The following EYS variants were observed in gnomAD, a reference collection of about 807,000 sequenced individuals.
EYS encodes the protein protein eyes shut homolog.
Under a neutral mutation model 282.1 loss-of-function variants are expected in EYS, and 250 were observed. That is an observed-to-expected ratio of 0.89 (90% confidence interval 0.80 to 0.98). EYS has a LOEUF of 0.98. Ranked by LOEUF, EYS falls within the 50% of genes least tolerant of loss-of-function variation. EYS has a pLI of 0.00. For synonymous variants in EYS, 1,355 were observed against 1,282.9 expected (o/e 1.06, Z -1.20); for missense variants, 4,016 against 3,709.0 (o/e 1.08, Z -2.15).
intron 2 of EYS, among the ~76,000 whole-genome samples, chr6:65,608,371 A>C (rs1213993877): frequency 6.6e-6 from 1 of 152,066 alleles, no homozygotes; most frequent in Non-Finnish European, 1.5e-5. Flanking sequence ...TGCCACAAAT[A>C]GAATTTGCAG....
chr6:65,692,395 A>G (rs1369475298), intron 1 of EYS, among the ~76,000 whole-genome samples: 1 of 150,142 alleles, frequency 6.7e-6, no homozygotes, highest in African/African-American at 2.4e-5. Flanking sequence ...TGTGCTCCCT[A>G]AAACTATAAA....
intron 22 of EYS, among the ~76,000 whole-genome samples, chr6:64,643,602 C>A (rs1768248672): frequency 6.6e-6 from 1 of 152,132 alleles, no homozygotes; most frequent in Admixed American, 6.5e-5. Flanking sequence ...TGTGTCCCCA[C>A]CCAAATCTCA....
intron 19 of EYS, among the ~76,000 whole-genome samples, chr6:64,837,143 G>A (rs1379252458): frequency 6.6e-6 from 1 of 151,484 alleles, no homozygotes. Flanking sequence ...TTTGTGGTAG[G>A]CATTTTGTAA....
chr6:64,990,838 A>T (rs1771038074), intron 14 of EYS, among the ~76,000 whole-genome samples: 2 of 151,686 alleles, frequency 1.3e-5, no homozygotes, highest in Non-Finnish European at 3.0e-5. Context: ...TAAAGCTCAC[A>T]TACTTGTTTA....
intron 22 of EYS, among the ~76,000 whole-genome samples, chr6:64,808,367 T>TA (rs1764499964): frequency 6.6e-6 from 1 of 152,128 alleles, no homozygotes; most frequent in Non-Finnish European, 1.5e-5. Context: ...TTTTTATAGT[T>TA]ATATAACAGC....
chr6:64,436,423 A>G (rs1333230419), intron 27 of EYS, among the ~76,000 whole-genome samples, 158 bp from the exon 28 acceptor site: 1 of 151,868 alleles, frequency 6.6e-6, no homozygotes, highest in Non-Finnish European at 1.5e-5. Context: ...AAGGTTTACA[A>G]CTGATATGTC....
At chr6:65,065,836 GT>G (rs1272087097) in intron 12 of EYS, among the ~76,000 whole-genome samples, 1 of 152,178 alleles carries the variant, frequency 6.6e-6, no homozygotes, top group Admixed American at 6.5e-5. Flanking sequence ...TGTGTCACAT[GT>G]ATTTGTTTTC....
At chr6:64,576,647 T>C (rs1357749709) in intron 26 of EYS, among the ~76,000 whole-genome samples, 2 of 152,104 alleles carry the variant, frequency 1.3e-5, no homozygotes. Flanking sequence ...AAAAATCTTG[T>C]ATTTCTTTTA....
chr6:64,195,478 G>A (rs994851613), intron 31 of EYS, among the ~76,000 whole-genome samples: 2 of 151,954 alleles, frequency 1.3e-5, no homozygotes, highest in Admixed American at 6.6e-5. Context: ...AATTTTTGTA[G>A]TTTTAGTAGA....
At chr6:65,548,795 T>C (rs1768490116) in intron 2 of EYS, among the ~76,000 whole-genome samples, 1 of 152,234 alleles carries the variant, frequency 6.6e-6, no homozygotes, top group Middle Eastern at 3.2e-3. Context: ...TGGATACAAA[T>C]ACACAGACAA....
chr6:65,003,401 A>T (rs1162008250), intron 13 of EYS, among the ~76,000 whole-genome samples: 1 of 147,232 alleles, frequency 6.8e-6, no homozygotes, highest in Admixed American at 6.8e-5. Flanking sequence ...CTGTCTCCTG[A>T]TAAGATGTTA....
chr6:65,006,131 C>A (rs1771644367), intron 13 of EYS, among the ~76,000 whole-genome samples: 1 of 151,912 alleles, frequency 6.6e-6, no homozygotes, highest in Admixed American at 6.6e-5. Context: ...TCTACATGGG[C>A]AGTTACGTGG....
intron 1 of EYS, among the ~76,000 whole-genome samples, chr6:65,649,117 G>A (rs1202687248): frequency 1.2e-4 from 14 of 118,726 alleles, no homozygotes; most frequent in African/African-American, 3.4e-4. Context: ...CAGCCTGTGC[G>A]ACAGAGCGAG....
chr6:64,197,742 A>G (rs1295330773), intron 31 of EYS, among the ~76,000 whole-genome samples: 2 of 149,484 alleles, frequency 1.3e-5, no homozygotes, highest in East Asian at 2.0e-4. Flanking sequence ...AGTGGTTTTT[A>G]CTTTAAATTT....
At chr6:64,789,419 C>A (rs557886401) in intron 22 of EYS, among the ~76,000 whole-genome samples, 7 of 152,234 alleles carry the variant, frequency 4.6e-5, no homozygotes, top group African/African-American at 1.7e-4. Context: ...CATACACACA[C>A]ATGCTAACAT....
intron 26 of EYS, among the ~76,000 whole-genome samples, chr6:64,530,682 G>A (rs1448716851): frequency 2.6e-5 from 4 of 152,016 alleles, no homozygotes; most frequent in Non-Finnish European, 5.9e-5. Flanking sequence ...CTAGTGACAA[G>A]CTACTAGGGA....
intron 22 of EYS, among the ~76,000 whole-genome samples, chr6:64,807,462 C>T (rs1241694117): frequency 3.3e-5 from 5 of 151,936 alleles, no homozygotes; most frequent in Non-Finnish European, 7.4e-5. Context: ...GAGTTTACAG[C>T]TAGAAATGAA....
intron 2 of EYS, among the ~76,000 whole-genome samples, chr6:65,539,285 T>C (rs1334505169): frequency 1.3e-5 from 2 of 152,204 alleles, no homozygotes; most frequent in African/African-American, 4.8e-5. Flanking sequence ...GGAAATGCAC[T>C]AGGAGACGAA....
intron 2 of EYS, among the ~76,000 whole-genome samples, chr6:65,514,895 C>G (rs1017823104): frequency 1.3e-5 from 2 of 152,082 alleles, no homozygotes; most frequent in African/African-American, 2.4e-5. Context: ...GACTTCATGT[C>G]TAAAACACCA....
Sources: gnomAD v4.1 joint callset for allele counts (sites outside exome capture counted in the v4.1 genomes callset) on GRCh38, gnomAD v4.1.1 for gene constraint, MANE v1.5 for transcripts, NCBI Gene and HGNC (gene_info 2026-07-23, HGNC 2026-07-21) for gene names.